RNLS: variants seen among roughly 807,000 people sequenced by gnomAD.
The protein encoded by RNLS is renalase, FAD dependent amine oxidase, also known as renalase.
In RNLS, 39 loss-of-function variants were observed where a neutral mutation model predicts 39.8. The ratio of observed to expected loss-of-function variants is 0.98; its 90% CI spans 0.76 to 1.28. The LOEUF (loss-of-function observed/expected upper bound fraction) is 1.28. Among genes scored for constraint, RNLS ranks in the 50% most tolerant of loss-of-function variants. The pLI is 0.00. For missense variants in RNLS, 410 were observed against 413.3 expected (o/e 0.99, Z 0.07); for synonymous variants, 147 against 150.7 (o/e 0.98, Z 0.18).
intron 4 of RNLS, among the ~76,000 whole-genome samples, chr10:88,508,396 T>A (rs1845911832): frequency 6.6e-6 from 1 of 152,176 alleles, no homozygotes; most frequent in South Asian, 2.1e-4. Context: ...TGTGGATATG[T>A]TGTGATGACC....
At chr10:88,286,172 C>T (rs1468898007) in intron 6 of RNLS, among the ~76,000 whole-genome samples, 2 of 152,130 alleles carry the variant, frequency 1.3e-5, no homozygotes, top group Non-Finnish European at 2.9e-5. Flanking sequence ...TCCACTACTC[C>T]TCATCCCATG....
chr10:88,317,027 C>G (rs1267675280), intron 5 of RNLS, among the ~76,000 whole-genome samples: 1 of 152,150 alleles, frequency 6.6e-6, no homozygotes, highest in Non-Finnish European at 1.5e-5. Context: ...ATAAATTCAG[C>G]ATAATCATTA....
At chr10:88,275,386 TCA>T (rs1432837164) in intron 6 of RNLS, among the ~76,000 whole-genome samples, 1 of 152,198 alleles carries the variant, frequency 6.6e-6, no homozygotes, top group Non-Finnish European at 1.5e-5. Flanking sequence ...AATGCAGGTC[TCA>T]GTTTTAATAC....
chr10:88,481,808 G>C (rs1564835824), intron 4 of RNLS, among the ~76,000 whole-genome samples: 1 of 151,802 alleles, frequency 6.6e-6, no homozygotes, highest in Non-Finnish European at 1.5e-5. Flanking sequence ...CTGTGAATTT[G>C]AGTTATCTTT....
At chr10:88,267,818 G>A in the RNLS span, among the ~76,000 whole-genome samples, 5,153 of 152,242 alleles carry the variant, frequency 0.034, 131 homozygotes, top group African/African-American at 0.069. Flanking sequence ...GGATGTGGAA[G>A]TTGAGAAGTC....
intron 4 of RNLS, among the ~76,000 whole-genome samples, chr10:88,482,876 T>C (rs1319915720): frequency 6.6e-6 from 1 of 152,136 alleles, no homozygotes; most frequent in Non-Finnish European, 1.5e-5. Context: ...TCTGTCTCCC[T>C]GTGGGGTGTA....
chr10:88,285,435 C>G lies in RNLS; in HGVS notation c.948G>C (p.Gly316=), dbSNP rs137945207. 6.3e-5 allele frequency: 102 copies of G among 1,613,148 alleles called. No individual in the cohort carries two copies. Among genetic ancestry groups the G allele is most frequent in the Non-Finnish European group, 8.1e-5 (95 of 1,179,528 alleles). ...LHHKPFLACG[G]DGFTQSNFDG... ...CAAAGTTGGACTGAGTAAATCCATC[C>G]CCTCCACATGCAAGGAAAGGTTTGT... Residue 316 remains glycine (G), a synonymous_variant, in exon 7 of 7, where the codon GGG becomes GGC. Transcript: ENST00000331772.
At chr10:88,261,496 C>T in the RNLS span, among the ~76,000 whole-genome samples, 1 of 152,112 alleles carries the variant, frequency 6.6e-6, no homozygotes, top group Admixed American at 6.6e-5. Context: ...CTTTAGGATC[C>T]ACCATTGCAA....
At chr10:88,181,337 A>C in the RNLS span, among the ~76,000 whole-genome samples, 1 of 151,936 alleles carries the variant, frequency 6.6e-6, no homozygotes, top group African/African-American at 2.4e-5. Context: ...CTTCCCTACA[A>C]CCTCCGCTAT....
At chr10:88,259,348 C>T in the RNLS span, 1 of 152,222 alleles carries the variant, frequency 6.6e-6, no homozygotes, top group Middle Eastern at 3.2e-3. Flanking sequence ...GAGCCAGAGA[C>T]ATGGGTACTT....
the RNLS span, among the ~76,000 whole-genome samples, chr10:88,226,969 AC>A: frequency 6.6e-6 from 1 of 152,150 alleles, no homozygotes; most frequent in Non-Finnish European, 1.5e-5. Context: ...ACCAGGGTTG[AC>A]AAAGAATAGC....
chr10:88,272,492 G>C (rs1479291908), downstream of RNLS, among the ~76,000 whole-genome samples: 1 of 152,122 alleles, frequency 6.6e-6, no homozygotes, highest in African/African-American at 2.4e-5. Context: ...TCCCTCTCCA[G>C]GGATTCTAAT....
chr10:88,411,687 G>A (rs1251398613), intron 4 of RNLS, among the ~76,000 whole-genome samples: 1 of 152,058 alleles, frequency 6.6e-6, no homozygotes. Flanking sequence ...ATACCTAAAT[G>A]GGAAGACAGA....
intron 4 of RNLS, among the ~76,000 whole-genome samples, chr10:88,434,826 T>C (rs561759034): frequency 6.6e-6 from 1 of 152,076 alleles, no homozygotes; most frequent in African/African-American, 2.4e-5. Flanking sequence ...TGCATTAAAA[T>C]AGTTGATTAA....
the RNLS span, among the ~76,000 whole-genome samples, chr10:88,238,978 A>G: frequency 6.6e-6 from 1 of 152,122 alleles, no homozygotes; most frequent in Non-Finnish European, 1.5e-5. Context: ...TTGAAATCAA[A>G]CATGTAAGGA....
intron 4 of RNLS, among the ~76,000 whole-genome samples, chr10:88,363,266 C>G (rs1242479480): frequency 2.6e-5 from 4 of 151,938 alleles, no homozygotes; most frequent in African/African-American, 9.7e-5. Context: ...TGGGGAGGGA[C>G]AGCATCAGGA....
intron 5 of RNLS, among the ~76,000 whole-genome samples, chr10:88,341,269 C>T (rs536410687): frequency 3.7e-5 from 5 of 135,504 alleles, no homozygotes; most frequent in African/African-American, 1.1e-4. Flanking sequence ...GCAGAGGTTG[C>T]GGTGAGCCGA....
intron 4 of RNLS, among the ~76,000 whole-genome samples, chr10:88,468,396 C>A (rs1843332351): frequency 6.6e-6 from 1 of 152,148 alleles, no homozygotes; most frequent in Admixed American, 6.6e-5. Context: ...ATTTGACTTT[C>A]AGTTATCCGG....
intron 4 of RNLS, among the ~76,000 whole-genome samples, chr10:88,376,809 T>TA (rs1851038001): frequency 6.6e-6 from 1 of 152,114 alleles, no homozygotes. Flanking sequence ...TAAATCAATA[T>TA]AAAATCATAC....
Sources: allele counts gnomAD v4.1 joint callset (sites outside exome capture counted in the v4.1 genomes callset), GRCh38; gene constraint gnomAD v4.1.1; transcripts MANE v1.5; gene names NCBI Gene and HGNC (gene_info 2026-07-23, HGNC 2026-07-21).